TBC1D22A: variants seen among roughly 807,000 people sequenced by gnomAD.
The protein encoded by TBC1D22A is putative GTPase activator.
A neutral mutation model predicts 60.2 loss-of-function variants in TBC1D22A; 38 were observed. The ratio of observed to expected loss-of-function variants is 0.63; its 90% confidence interval spans 0.49 to 0.83. The LOEUF is 0.83. Among genes scored for constraint, TBC1D22A ranks in the 40% least tolerant of loss-of-function variants. The probability of loss-of-function intolerance (pLI) is 0.00; values close to 1 mark genes in which losing one functional copy is unlikely to be tolerated. For missense variants in TBC1D22A, 628 were observed against 701.0 expected, an observed-to-expected ratio of 0.90 and a Z score of 1.18; for synonymous variants, 302 against 281.7, an observed-to-expected ratio of 1.07 and a Z score of -0.72.
intron 8 of TBC1D22A, among the ~76,000 whole-genome samples, chr22:46,928,015 A>G (rs925913322): frequency 4.6e-5 from 7 of 152,188 alleles, no homozygotes; most frequent in African/African-American, 1.7e-4. Flanking sequence ...TGATGTAAAG[A>G]TTCAGTGCAG....
At chr22:47,130,937 A>G (rs748140667) in intron 12 of TBC1D22A, among the ~76,000 whole-genome samples, 20 of 152,370 alleles carry the variant, frequency 1.3e-4, no homozygotes, top group Non-Finnish European at 2.4e-4. Context: ...CTGTACGAGC[A>G]TGGCTGCAGC....
intron 7 of TBC1D22A, among the ~76,000 whole-genome samples, chr22:46,904,142 T>TCTATCTATCTGCCTATCTGC (rs57116517): frequency 1.5e-5 from 2 of 134,500 alleles, no homozygotes; most frequent in African/African-American, 5.9e-5. Flanking sequence ...TATCTATCTA[T>TCTATCTATCTGCCTATCTGC]CTACCTACCT....
intron 9 of TBC1D22A, among the ~76,000 whole-genome samples, chr22:46,984,025 T>G (rs1014014946): frequency 5.3e-5 from 8 of 152,068 alleles, no homozygotes; most frequent in African/African-American, 1.7e-4. Context: ...CTAGTGCTAT[T>G]TCAGCCCCTC....
intron 7 of TBC1D22A, among the ~76,000 whole-genome samples, chr22:46,902,100 C>T (rs907016572): frequency 5.9e-5 from 9 of 152,304 alleles, no homozygotes; most frequent in South Asian, 2.1e-4. Context: ...CGGTGAAGAC[C>T]GGGGTCCTTA....
At chr22:47,026,147 A>C (rs2062251125) in intron 10 of TBC1D22A, among the ~76,000 whole-genome samples, 1 of 152,254 alleles carries the variant, frequency 6.6e-6, no homozygotes. Context: ...ACATCTATAT[A>C]TGCAGAAAAA....
intron 9 of TBC1D22A, among the ~76,000 whole-genome samples, chr22:46,978,490 A>G (rs1428718933): frequency 6.6e-6 from 1 of 152,376 alleles, no homozygotes; most frequent in South Asian, 2.1e-4. Flanking sequence ...CTAACTTAAT[A>G]GAAGAATTCT....
intron 8 of TBC1D22A, among the ~76,000 whole-genome samples, chr22:46,943,766 C>T (rs780311163): frequency 6.6e-6 from 1 of 152,188 alleles, no homozygotes; most frequent in Non-Finnish European, 1.5e-5. Context: ...CATGGATTTG[C>T]CCTTTCTGAC....
chr22:47,070,840 C>T (rs71313091), intron 11 of TBC1D22A, among the ~76,000 whole-genome samples: 21,725 of 98,952 alleles, frequency 0.22, 2,758 homozygotes, highest in East Asian at 0.52. Flanking sequence ...GCTGACCTGA[C>T]GGTTCCAGGC....
At chr22:46,908,433 C>T (rs1328498440) in intron 7 of TBC1D22A, among the ~76,000 whole-genome samples, 1 of 152,180 alleles carries the variant, frequency 6.6e-6, no homozygotes, top group Non-Finnish European at 1.5e-5. Flanking sequence ...CCACTTTTCA[C>T]CGTTGCAGCC....
At chr22:47,156,118 C>G (rs898322597) in intron 12 of TBC1D22A, among the ~76,000 whole-genome samples, 2 of 152,186 alleles carry the variant, frequency 1.3e-5, no homozygotes, top group African/African-American at 4.8e-5. Context: ...GGCTTCTTAT[C>G]TCTTGGAGAA....
At chr22:46,851,998 G>C (rs993853535) in intron 4 of TBC1D22A, among the ~76,000 whole-genome samples, 1 of 152,204 alleles carries the variant, frequency 6.6e-6, no homozygotes, top group African/African-American at 2.4e-5. Context: ...GAAGACAGGA[G>C]GCTTTTCCTT....
At chr22:47,071,134 A>G (rs1308262934) in intron 11 of TBC1D22A, among the ~76,000 whole-genome samples, 2 of 152,252 alleles carry the variant, frequency 1.3e-5, no homozygotes, top group Non-Finnish European at 2.9e-5. Context: ...ACTGAAAAGT[A>G]ATTTTAGTAA....
At chr22:47,165,782 AGCG>A (rs568382917) in intron 12 of TBC1D22A, among the ~76,000 whole-genome samples, 31 of 152,158 alleles carry the variant, frequency 2.0e-4, no homozygotes, top group African/African-American at 7.0e-4. Flanking sequence ...GGGGGTCCTC[AGCG>A]GCCTCCCCAG....
intron 9 of TBC1D22A, among the ~76,000 whole-genome samples, chr22:46,982,414 G>C (rs957152369): frequency 5.3e-5 from 8 of 151,968 alleles, no homozygotes; most frequent in African/African-American, 1.7e-4. Flanking sequence ...AGTAGAGACG[G>C]GGTTTCACCA....
chr22:46,998,284 A>G (rs1044831042), intron 10 of TBC1D22A, among the ~76,000 whole-genome samples: 7 of 152,118 alleles, frequency 4.6e-5, no homozygotes, highest in Admixed American at 3.3e-4. Flanking sequence ...GTTTAATTAA[A>G]TGGAAGCTGA....
chr22:47,173,859 C>T lies in TBC1D22A; in HGVS notation c.*233C>T, dbSNP rs953025834. On this transcript the variant is annotated 3_prime_UTR_variant, in exon 13 of 13. Transcript: ENST00000337137. ...GAGAGCCAGGGGAGGGCCCCGGGTT[C>T]GGCGGCCAGAGGCAGGTCAGGGGTC... 3.1e-5 allele frequency: 18 copies of T among 584,216 alleles called. No individual in the cohort carries two copies. The highest frequency in any genetic ancestry group is 5.4e-4 in the Middle Eastern group (1 of 1,844). The allele number at this position is 584,216 out of a possible 1,614,324, so 36.2% of individuals were successfully genotyped here. A position where few individuals can be genotyped will look rare whatever the true frequency, so the allele number is the denominator to read the frequency against.
At chr22:46,885,514 A>G (rs888314156) in intron 5 of TBC1D22A, among the ~76,000 whole-genome samples, 1 of 152,222 alleles carries the variant, frequency 6.6e-6, no homozygotes, top group Non-Finnish European at 1.5e-5. Context: ...TTCGGGGGCA[A>G]AGAAAAAGAA....
chr22:46,768,484 CAAAAAAAAA>C (rs3083471), intron 1 of TBC1D22A, among the ~76,000 whole-genome samples: 2 of 80,366 alleles, frequency 2.5e-5, no homozygotes, highest in Admixed American at 1.5e-4. Context: ...GACTCTGTCT[CAAAAAAAAA>C]AAAAAAAAAA....
intron 4 of TBC1D22A, among the ~76,000 whole-genome samples, chr22:46,820,094 C>T (rs2085763430): frequency 6.6e-6 from 1 of 152,164 alleles, no homozygotes; most frequent in African/African-American, 2.4e-5. Flanking sequence ...TCTCCTTTAT[C>T]ACTTTTTATC....
Sources: gnomAD v4.1 joint callset for allele counts (sites outside exome capture counted in the v4.1 genomes callset) on GRCh38, gnomAD v4.1.1 for gene constraint, MANE v1.5 for transcripts, NCBI Gene and HGNC (gene_info 2026-07-23, HGNC 2026-07-21) for gene names.